The following PCOLCE2 variants were observed in gnomAD, a reference collection of about 807,000 sequenced individuals.
PCOLCE2 encodes the protein procollagen C-proteinase enhancer 2.
A neutral mutation model predicts 47.0 loss-of-function variants in PCOLCE2; 42 were observed. That is an observed-to-expected ratio of 0.89 (90% CI 0.70 to 1.16). PCOLCE2 has a LOEUF of 1.16. Ranked by LOEUF, PCOLCE2 falls within the 50% of genes most tolerant of loss-of-function variation. The pLI, the probability that PCOLCE2 is intolerant of heterozygous loss-of-function variation, is 0.00. For missense variants in PCOLCE2, 500 were observed against 526.1 expected, an observed-to-expected ratio of 0.95 and a Z score of 0.49; for synonymous variants, 169 against 191.7, an observed-to-expected ratio of 0.88 and a Z score of 0.98.
intron 2 of PCOLCE2, among the ~76,000 whole-genome samples, chr3:142,855,722 TA>T (rs1353737911): frequency 6.6e-6 from 1 of 152,180 alleles, no homozygotes; most frequent in East Asian, 1.9e-4. Context: ...GGCCTAGCCA[TA>T]AGACACCCAG....
At chr3:142,829,941 T>C (rs896113634) in intron 5 of PCOLCE2, 95 bp from the exon 6 acceptor site, 11 of 635,408 alleles carry the variant, frequency 1.7e-5, no homozygotes, top group Non-Finnish European at 2.9e-5. Flanking sequence ...CTTCCGACAA[T>C]AGATTACCAG....
At chr3:142,861,989 C>T (rs568149173) in intron 2 of PCOLCE2, among the ~76,000 whole-genome samples, 1 of 152,264 alleles carries the variant, frequency 6.6e-6, no homozygotes. Context: ...GCCGGGGTCT[C>T]ACCATTCTAG....
chr3:142,874,626 C>T (rs551873182), intron 2 of PCOLCE2, among the ~76,000 whole-genome samples: 5 of 152,278 alleles, frequency 3.3e-5, no homozygotes, highest in East Asian at 3.9e-4. Context: ...TACTTTTCTT[C>T]GGAGATTTAT....
intron 2 of PCOLCE2, among the ~76,000 whole-genome samples, chr3:142,852,721 GTATTTATGTATATGTGTATATAATATA>G (rs1431529950): frequency 1.3e-4 from 19 of 147,688 alleles, no homozygotes; most frequent in African/African-American, 4.7e-4. Flanking sequence ...ACACACATAA[GTATTTATGTATATGTGTATATAATATA>G]TATTTTAATA....
intron 1 of PCOLCE2, among the ~76,000 whole-genome samples, chr3:142,888,456 A>G (rs1184134988): frequency 6.6e-6 from 1 of 152,246 alleles, no homozygotes; most frequent in East Asian, 1.9e-4. Context: ...GAAAAAAAAC[A>G]GCGGTAAACC....
intron 2 of PCOLCE2, among the ~76,000 whole-genome samples, chr3:142,868,050 AG>A (rs1933316489): frequency 6.6e-6 from 1 of 152,226 alleles, no homozygotes; most frequent in Non-Finnish European, 1.5e-5. Context: ...AAGGAACAGG[AG>A]GAAACAATGA....
chr3:142,854,525 A>T (rs929363312), intron 2 of PCOLCE2, among the ~76,000 whole-genome samples: 2 of 152,236 alleles, frequency 1.3e-5, no homozygotes, highest in Admixed American at 1.3e-4. Flanking sequence ...TGTAAAGGTA[A>T]ATCTTATACA....
chr3:142,871,888 A>G (rs998182487), intron 2 of PCOLCE2, among the ~76,000 whole-genome samples: 1 of 152,150 alleles, frequency 6.6e-6, no homozygotes, highest in South Asian at 2.1e-4. Flanking sequence ...TTATATATCT[A>G]CATCTCCTAT....
rs1470414811 is a variant in PCOLCE2, at chr3:142,849,104, G to T, written c.193-632C>A. On this transcript the variant is annotated intron_variant, in intron 2 of 8. Transcript: ENST00000295992. ...GGAGGCGGAGCTTGCAGTGAGCCGAGATCGCGCCACTGCACTCCAGCCTGG... is the reference window on the plus strand; with the variant it reads ...GGAGGCGGAGCTTGCAGTGAGCCGATATCGCGCCACTGCACTCCAGCCTGG... 2.0e-5 allele frequency among the ~76,000 whole-genome samples: 3 copies of T among 151,534 alleles called. No individual in the cohort carries two copies. The East Asian group carries it at 5.8e-4, about 29-fold the overall frequency.
chr3:142,835,754 G>A (rs145707340), intron 5 of PCOLCE2, among the ~76,000 whole-genome samples: 35 of 152,050 alleles, frequency 2.3e-4, no homozygotes, highest in Non-Finnish European at 3.5e-4. Context: ...GTGATCCTCC[G>A]CCTCAGCCTC....
At chr3:142,850,141 G>A (rs578047407) in intron 2 of PCOLCE2, among the ~76,000 whole-genome samples, 3 of 152,168 alleles carry the variant, frequency 2.0e-5, no homozygotes, top group East Asian at 3.9e-4. Flanking sequence ...TCACCAAGAT[G>A]TCTGTTGTAA....
chr3:142,828,440 T>A (rs1479297117), intron 6 of PCOLCE2, among the ~76,000 whole-genome samples: 1 of 152,176 alleles, frequency 6.6e-6, no homozygotes, highest in Non-Finnish European at 1.5e-5. Context: ...GGCTGCCATA[T>A]TGGATAGCAT....
At position 142,818,917 on chromosome 3, in the gene PCOLCE2, C is replaced by T. The variant is rs148984756; in HGVS notation, c.1118-452G>A. Among the ~76,000 whole-genome samples the T allele has an allele frequency of 7.0e-3, 1,070 of 152,322 alleles. 10 individuals are homozygous for T. The highest frequency in any genetic ancestry group is 0.011 in the Non-Finnish European group (755 of 68,030). ...AATGCCTGCTATGAAGAATGCACCG[C>T]GTTAACGTGAAAGACTCTCCTTCCT... On this transcript the variant is annotated intron_variant, in intron 8 of 8. Coordinates refer to ENST00000295992, the MANE Select transcript of PCOLCE2 (RefSeq NM_013363.4).
chr3:142,888,835 G>C lies in PCOLCE2; in HGVS notation c.62C>G (p.Ser21Trp), dbSNP rs777136521. 6.5e-7 allele frequency: 1 copy of C among 1,545,476 alleles called. No individual in the cohort carries two copies. Among genetic ancestry groups the C allele is most frequent in the Non-Finnish European group, 8.7e-7 (1 of 1,148,708 alleles). The change falls in exon 1 of 9, where the codon TCG becomes TGG. Residue 21 changes from serine to tryptophan, a missense_variant. Ser to Trp is a radical substitution (Grantham distance 177). Transcript: ENST00000295992. ...TTACCTCTCTGGGGACTGCTGCCGCGAGAGCTGGGTGGCGGCAGCCAGCAG... is the reference window on the plus strand; with the variant it reads ...TTACCTCTCTGGGGACTGCTGCCGCCAGAGCTGGGTGGCGGCAGCCAGCAG... ...CLLLAAATQL[S>W]RQQSPERPVF...
At chr3:142,870,730 A>G (rs1426925228) in intron 2 of PCOLCE2, among the ~76,000 whole-genome samples, 2 of 123,264 alleles carry the variant, frequency 1.6e-5, no homozygotes, top group Admixed American at 8.2e-5. Context: ...TTTTTTTACT[A>G]TATACTGTTC....
chr3:142,871,929 C>T (rs1461950473), intron 2 of PCOLCE2, among the ~76,000 whole-genome samples: 1 of 152,090 alleles, frequency 6.6e-6, no homozygotes, highest in South Asian at 2.1e-4. Context: ...CCTGATACAG[C>T]CTCCCTGTGC....
chr3:142,876,944 G>A (rs943126443), intron 2 of PCOLCE2, among the ~76,000 whole-genome samples: 1 of 152,220 alleles, frequency 6.6e-6, no homozygotes, highest in African/African-American at 2.4e-5. Flanking sequence ...AGACTCACCA[G>A]CACAACAGTG....
chr3:142,873,154 A>C (rs1367558000), intron 2 of PCOLCE2, among the ~76,000 whole-genome samples: 1 of 152,112 alleles, frequency 6.6e-6, no homozygotes, highest in Non-Finnish European at 1.5e-5. Flanking sequence ...GCACTTTGGG[A>C]GGCTGAGGCA....
At chr3:142,852,278 A>G (rs946779141) in intron 2 of PCOLCE2, among the ~76,000 whole-genome samples, 3 of 152,230 alleles carry the variant, frequency 2.0e-5, no homozygotes, top group South Asian at 2.1e-4. Context: ...CTCTGATGCA[A>G]GCTTTGATAA....
Sources: gnomAD v4.1 joint callset for allele counts (sites outside exome capture counted in the v4.1 genomes callset) on GRCh38, gnomAD v4.1.1 for gene constraint, MANE v1.5 for transcripts, NCBI Gene and HGNC (gene_info 2026-07-23, HGNC 2026-07-21) for gene names.